CNKSR2: variants seen among roughly 807,000 people sequenced by gnomAD.
The protein encoded by CNKSR2 is CNK homolog protein 2.
CNKSR2 carries 14 observed loss-of-function variants against 84.4 expected under a neutral mutation model. The observed-to-expected ratio is 0.17, with a 90% CI of 0.11 to 0.26. The LOEUF is 0.26. CNKSR2 is among the 10% of genes least tolerant of loss of function. The probability of loss-of-function intolerance (pLI) is 1.00; values close to 1 mark genes in which losing one functional copy is unlikely to be tolerated. For missense variants in CNKSR2, 485 were observed against 771.2 expected (o/e 0.63, Z 4.40); for synonymous variants, 275 against 277.9 (o/e 0.99, Z 0.10).
intron 20 of CNKSR2, among the ~76,000 whole-genome samples, chrX:21,638,650 C>T (rs755307668): frequency 1.8e-5 from 2 of 111,373 alleles, no homozygotes; most frequent in South Asian, 3.8e-4. Flanking sequence ...TTAAATAATA[C>T]GCCAAACAGA....
chrX:21,505,170 A>G (rs2091600028), intron 8 of CNKSR2: 2 of 137,280 alleles, frequency 1.5e-5, no homozygotes, highest in Admixed American at 8.6e-5. Flanking sequence ...TAAAGATTCT[A>G]TCCATACTAA....
In CNKSR2 at chrX:21,388,174, C is replaced by G. The variant is rs771152084; in HGVS notation, c.64+13213C>G. ...TCAGCCTCCCAAAGTGCTGGGATTA[C>G]AGGTATGAGCCACCGCGCCAGGCCT... is the stretch of plus-strand genomic sequence containing the variant. On this transcript the variant is annotated intron_variant, in intron 1 of 21. Transcript: ENST00000379510. 3.6e-5 allele frequency among the ~76,000 whole-genome samples: 4 copies of G among 111,983 alleles called. No individual in the cohort carries two copies. The South Asian group carries it at 1.5e-3, about 42-fold the overall frequency.
intron 1 of CNKSR2, among the ~76,000 whole-genome samples, chrX:21,391,026 T>C (rs1292990240): frequency 1.8e-5 from 2 of 112,570 alleles, no homozygotes; most frequent in Non-Finnish European, 3.8e-5. Flanking sequence ...CTTGACTCCA[T>C]GTCTCACATC....
intron 4 of CNKSR2, among the ~76,000 whole-genome samples, chrX:21,460,472 A>T (rs751143228): frequency 2.1e-4 from 23 of 112,095 alleles, no homozygotes; most frequent in Admixed American, 2.0e-3. Context: ...TGATGCAGGC[A>T]TGCAATGTAT....
At chrX:21,417,214 C>T (rs931510141) in intron 1 of CNKSR2, among the ~76,000 whole-genome samples, 2 of 111,255 alleles carry the variant, frequency 1.8e-5, no homozygotes, top group South Asian at 3.7e-4. Context: ...TTCATGTATT[C>T]GTGTAGTTTC....
rs1396052863 is a variant in CNKSR2, at chrX:21,374,465, C to G, written c.-433C>G. On this transcript the variant is annotated 5_prime_UTR_variant, in exon 1 of 22. Coordinates refer to ENST00000379510, the MANE Select transcript of CNKSR2 (RefSeq NM_014927.5). ...TCGTGCTCGGGGCTTCACTCCCGCG[C>G]GTGAGGCGAGCGGGCAAGTTGGCTG... 3.0e-6 allele frequency: 1 copy of G among 336,347 alleles called. No individual in the cohort carries two copies. The highest frequency in any genetic ancestry group is 5.2e-6 in the Non-Finnish European group (1 of 191,801). The allele number at this position is 336,347 out of a possible 1,213,427, so 27.7% of individuals were successfully genotyped here. A position where few individuals can be genotyped will look rare whatever the true frequency, so the allele number is the denominator to read the frequency against.
chrX:21,480,005 A>G (rs2091299725), intron 5 of CNKSR2, among the ~76,000 whole-genome samples: 1 of 111,211 alleles, frequency 9.0e-6, no homozygotes, highest in Non-Finnish European at 1.9e-5. Context: ...CTGCAACAGG[A>G]ACAAGAAAAA....
rs2090005038 is a variant in CNKSR2 at position 21,388,609 on chromosome X, C to T, written c.64+13648C>T. ...GAACAATTTGAACAATAAAGTATTA[C>T]AGTATTGGATTATAACCCAACATAT... On this transcript the variant is annotated intron_variant, in intron 1 of 21. Coordinates refer to ENST00000379510, the MANE Select transcript of CNKSR2 (RefSeq NM_014927.5). Among the ~76,000 whole-genome samples, 6 of 112,283 alleles carry T rather than the reference C, an allele frequency of 5.3e-5. No individual in the cohort carries two copies. In the South Asian group the frequency reaches 1.8e-3, roughly 34 times the overall value.
At chrX:21,483,085 C>T in intron 5 of CNKSR2, among the ~76,000 whole-genome samples, 1 of 111,597 alleles carries the variant, frequency 9.0e-6, no homozygotes. Context: ...TCTCTGTACT[C>T]GTATGAACAA....
chrX:21,536,057 A>T, intron 11 of CNKSR2, among the ~76,000 whole-genome samples: 1 of 110,460 alleles, frequency 9.1e-6, no homozygotes. Flanking sequence ...ATTTGTTGAG[A>T]GTTTTTATCA....
chrX:21,451,307 A>G (rs2090925139), intron 4 of CNKSR2, among the ~76,000 whole-genome samples: 1 of 111,531 alleles, frequency 9.0e-6, no homozygotes, highest in African/African-American at 3.3e-5. Context: ...TAAAATATCT[A>G]GAACTAGAAA....
chrX:21,607,168 C>CA (rs2092522430), intron 19 of CNKSR2, among the ~76,000 whole-genome samples: 1 of 111,459 alleles, frequency 9.0e-6, no homozygotes, highest in Non-Finnish European at 1.9e-5. Flanking sequence ...TCAACAACAA[C>CA]AAAAAAGTTT....
chrX:21,556,020 G>T (rs2092136973), intron 11 of CNKSR2, among the ~76,000 whole-genome samples: 1 of 110,592 alleles, frequency 9.0e-6, no homozygotes, highest in Non-Finnish European at 1.9e-5. Context: ...AGCTCAGTTT[G>T]TCAGAAAAAT....
At chrX:21,436,068 A>T (rs1037980601) in intron 3 of CNKSR2, among the ~76,000 whole-genome samples, 1 of 111,962 alleles carries the variant, frequency 8.9e-6, no homozygotes, top group Admixed American at 9.5e-5. Flanking sequence ...TAAAGGACAA[A>T]TTAATTTTAT....
intron 4 of CNKSR2, among the ~76,000 whole-genome samples, chrX:21,463,980 C>T (rs1221636637): frequency 1.8e-5 from 2 of 111,707 alleles, no homozygotes; most frequent in East Asian, 5.6e-4. Flanking sequence ...AGTTGTGTGC[C>T]GCCCCCCTAG....
intron 9 of CNKSR2, among the ~76,000 whole-genome samples, chrX:21,524,065 A>G (rs34266502): frequency 0.022 from 2,413 of 110,557 alleles, 32 homozygotes; most frequent in Non-Finnish European, 0.035. Flanking sequence ...ATGAGTCTCA[A>G]AAAGAACGTT....
chrX:21,502,188 A>C (rs1200414153), intron 8 of CNKSR2, among the ~76,000 whole-genome samples: 2 of 100,149 alleles, frequency 2.0e-5, no homozygotes, highest in African/African-American at 7.1e-5. Flanking sequence ...TACCCTTAAA[A>C]ATCTACAGTA....
chrX:21,648,406 T>C (rs1259796818), intron 20 of CNKSR2, among the ~76,000 whole-genome samples: 1 of 111,987 alleles, frequency 8.9e-6, no homozygotes, highest in Non-Finnish European at 1.9e-5. Context: ...ATTTCTATGC[T>C]TATCAGCATA....
intron 11 of CNKSR2, among the ~76,000 whole-genome samples, chrX:21,546,434 A>G (rs1392931466): frequency 9.1e-6 from 1 of 110,044 alleles, no homozygotes; most frequent in Non-Finnish European, 1.9e-5. Context: ...GAAAAGACCA[A>G]ACCCACATTT....
Sources: allele counts gnomAD v4.1 joint callset (sites outside exome capture counted in the v4.1 genomes callset), GRCh38; gene constraint gnomAD v4.1.1; transcripts MANE v1.5; gene names NCBI Gene and HGNC (gene_info 2026-07-23, HGNC 2026-07-21).